Variants in OR2C1 observed in about 807,000 individuals in gnomAD.
The protein encoded by OR2C1 is olfactory receptor 2C1.
For missense variants in OR2C1, 468 were observed against 388.3 expected, an observed-to-expected ratio of 1.21 and a Z score of -1.73; for synonymous variants, 209 against 167.3, an observed-to-expected ratio of 1.25 and a Z score of -1.92.
chr16:3,355,529 C>G (rs1157406402), upstream of OR2C1, among the ~76,000 whole-genome samples: 3 of 148,148 alleles, frequency 2.0e-5, no homozygotes, highest in Non-Finnish European at 4.5e-5. Context: ...TGCCTGTAAT[C>G]CCAGCACTTT....
chr16:3,331,329 T>C, the OR2C1 span, among the ~76,000 whole-genome samples: 52 of 151,690 alleles, frequency 3.4e-4, no homozygotes, highest in Non-Finnish European at 6.8e-4. Flanking sequence ...TTCTCCCATT[T>C]TGTAGGTTGC....
the OR2C1 span, among the ~76,000 whole-genome samples, chr16:3,336,222 A>C: frequency 1.3e-5 from 2 of 152,120 alleles, 1 homozygote; most frequent in Admixed American, 1.3e-4. Context: ...CATTATGTTT[A>C]TTGATTTGTA....
At chr16:3,353,649 A>C (rs1478522815), upstream of OR2C1, among the ~76,000 whole-genome samples, 2 of 151,680 alleles carry the variant, frequency 1.3e-5, no homozygotes, top group African/African-American at 4.8e-5. Context: ...AAAAATACAA[A>C]AATTAGTCAG....
chr16:3,344,771 G>A, the OR2C1 span, among the ~76,000 whole-genome samples: 1 of 152,062 alleles, frequency 6.6e-6, no homozygotes, highest in Non-Finnish European at 1.5e-5. Flanking sequence ...TGGGTAGAAC[G>A]TGGGAAAACC....
chr16:3,336,544 A>G, the OR2C1 span, among the ~76,000 whole-genome samples: 2 of 151,872 alleles, frequency 1.3e-5, no homozygotes, highest in East Asian at 3.9e-4. Flanking sequence ...TGTTTTTAGT[A>G]GAGATGGAGT....
the OR2C1 span, among the ~76,000 whole-genome samples, chr16:3,335,225 G>T: frequency 1.3e-5 from 2 of 152,134 alleles, no homozygotes; most frequent in African/African-American, 4.8e-5. Context: ...AATGTCATTG[G>T]CATTTTGATA....
chr16:3,356,919 C>T lies in OR2C1; in HGVS notation c.*40C>T. Reference sequence around the variant, plus strand: ...GTTATTTATTGCGTCTTCATCTCTACATGCGTTTCTCATTAACTCTCTCTG... The same window carrying T: ...GTTATTTATTGCGTCTTCATCTCTATATGCGTTTCTCATTAACTCTCTCTG... On this transcript the variant is annotated 3_prime_UTR_variant, in exon 1 of 1. Coordinates refer to ENST00000304936, the MANE Select transcript of OR2C1 (RefSeq NM_012368.3). 6.9e-7 allele frequency: 1 copy of T among 1,439,772 alleles called. No homozygotes were observed. Among genetic ancestry groups the T allele is most frequent in the Non-Finnish European group, 9.3e-7 (1 of 1,073,642 alleles). The allele number at this position is 1,439,772 out of a possible 1,614,324, so 89.2% of individuals were successfully genotyped here.
the OR2C1 span, among the ~76,000 whole-genome samples, chr16:3,339,926 T>A: frequency 2.6e-5 from 4 of 152,182 alleles, no homozygotes; most frequent in Admixed American, 6.6e-5. Flanking sequence ...TCTTTTTATG[T>A]ACTTTTGGGC....
At chr16:3,323,392 C>G in the OR2C1 span, 3 of 841,340 alleles carry the variant, frequency 3.6e-6, no homozygotes. Flanking sequence ...CACCAAACTT[C>G]CCCAGGTGCT....
the OR2C1 span, among the ~76,000 whole-genome samples, chr16:3,343,064 C>T: frequency 6.6e-6 from 1 of 152,024 alleles, no homozygotes; most frequent in African/African-American, 2.4e-5. Flanking sequence ...ATGGTATCAA[C>T]ATTAATGTGA....
At chr16:3,329,597 C>T in the OR2C1 span, among the ~76,000 whole-genome samples, 1 of 151,278 alleles carries the variant, frequency 6.6e-6, no homozygotes, top group South Asian at 2.1e-4. Context: ...CTACAGATGC[C>T]CGCCACCACA....
chr16:3,333,211 A>ATTTTTTTTTTTTTTTTTTTTTTTTTT, the OR2C1 span, among the ~76,000 whole-genome samples: 6 of 65,806 alleles, frequency 9.1e-5, no homozygotes, highest in Admixed American at 1.9e-4. Flanking sequence ...TCTTTTGCCC[A>ATTTTTTTTTTTTTTTTTTTTTTTTTT]TTTTTTTTTT....
chr16:3,327,176 C>T, the OR2C1 span, among the ~76,000 whole-genome samples: 2 of 151,974 alleles, frequency 1.3e-5, no homozygotes, highest in East Asian at 1.9e-4. Flanking sequence ...GTATAATGAA[C>T]CCCCTCAAGG....
chr16:3,355,940 G>T lies in OR2C1; in HGVS notation c.-1G>T, dbSNP rs1308680341. 6.3e-7 allele frequency: 1 copy of T among 1,597,704 alleles called. No individual in the cohort carries two copies. Among genetic ancestry groups the T allele is most frequent in the Non-Finnish European group, 8.5e-7 (1 of 1,170,522 alleles). On this transcript the variant is annotated 5_prime_UTR_variant, in exon 1 of 1. Coordinates refer to ENST00000304936, the MANE Select transcript of OR2C1 (RefSeq NM_012368.3). ...CATCAAGTGACTGAAGACAACCAGT[G>T]ATGGACGGGGTGAATGATAGCTCCT...
Position 3,356,812 on chromosome 16 carries a change from C to T in OR2C1, c.872C>T (p.Thr291Met), listed in dbSNP as rs753330784. ...CCCATGGTGAATCCCCTCATCTACA[C>T]GCTGCGGAACATGGAAGTGAAGGGC... is the stretch of plus-strand genomic sequence containing the variant. The part of the protein sequence containing the change: ...VTPMVNPLIY[T>M]LRNMEVKGAL... Residue 291 changes from threonine (T) to methionine (M), a missense_variant, in exon 1 of 1, where the codon ACG (threonine) becomes ATG (methionine). Physicochemically the swap from Thr to Met is moderately conservative, Grantham distance 81. Transcript: ENST00000304936. 1.7e-5 allele frequency: 28 copies of T among 1,613,824 alleles called. No homozygotes were observed. Among genetic ancestry groups the T allele is most frequent in the African/African-American group, 4.0e-5 (3 of 74,942 alleles).
the OR2C1 span, among the ~76,000 whole-genome samples, chr16:3,334,555 A>C: frequency 6.8e-6 from 1 of 146,934 alleles, no homozygotes; most frequent in Non-Finnish European, 1.5e-5. Context: ...AGGTATTGGG[A>C]GGCCAAGCTG....
At chr16:3,340,171 C>A in the OR2C1 span, among the ~76,000 whole-genome samples, 1 of 151,774 alleles carries the variant, frequency 6.6e-6, no homozygotes, top group African/African-American at 2.4e-5. Flanking sequence ...TCCAGCTACT[C>A]GGGAGGCTGA....
At chr16:3,338,523 G>A in the OR2C1 span, among the ~76,000 whole-genome samples, 1 of 134,184 alleles carries the variant, frequency 7.5e-6, no homozygotes, top group African/African-American at 2.7e-5. Flanking sequence ...CTGGACAGGA[G>A]TCAAGTATAG....
Position 3,356,522 on chromosome 16 carries a change from C to T in OR2C1, c.582C>T (p.Leu194=). 6.2e-7 allele frequency: 1 copy of T among 1,614,134 alleles called. No individual in the cohort carries two copies. The highest frequency in any genetic ancestry group is 8.5e-7 in the Non-Finnish European group (1 of 1,180,038). The stretch of plus-strand genomic sequence containing the variant: ...AACTGGCCTGTGGCGACACAAGTCT[C>T]AACCAGGCTGTGCTCAATGGTGTCT... ...MIKLACGDTS[L]NQAVLNGVCT... The change falls in exon 1 of 1, where the codon CTC becomes CTT. Residue 194 remains leucine, a synonymous_variant. Coordinates refer to ENST00000304936, the MANE Select transcript of OR2C1 (RefSeq NM_012368.3).
Sources: gnomAD v4.1 joint callset for allele counts (sites outside exome capture counted in the v4.1 genomes callset) on GRCh38, gnomAD v4.1.1 for gene constraint, MANE v1.5 for transcripts, NCBI Gene and HGNC (gene_info 2026-07-23, HGNC 2026-07-21) for gene names.